The following MACC1 variants were observed in gnomAD, a reference collection of about 807,000 sequenced individuals.
MACC1 encodes the protein MET transcriptional regulator MACC1, also known as metastasis-associated in colon cancer protein 1.
A neutral mutation model predicts 70.7 loss-of-function variants in MACC1; 79 were observed. The observed-to-expected ratio is 1.12, with a 90% CI of 0.93 to 1.35. The LOEUF (loss-of-function observed/expected upper bound fraction) is 1.35, where lower values mean the gene tolerates loss of function less well. Among genes scored for constraint, MACC1 ranks in the 40% most tolerant of loss-of-function variants. The pLI is 0.00. For missense variants in MACC1, 1,106 were observed against 978.1 expected (o/e 1.13, Z -1.74); for synonymous variants, 361 against 347.2 (o/e 1.04, Z -0.44).
chr7:20,217,137 C>A (rs916639053), intron 1 of MACC1, among the ~76,000 whole-genome samples, 162 bp downstream of exon 1: 4 of 152,092 alleles, frequency 2.6e-5, no homozygotes, highest in African/African-American at 9.7e-5. Flanking sequence ...TAACACATGT[C>A]CCATAAGCCC....
At chr7:20,200,633 A>G (rs572034708) in intron 1 of MACC1, among the ~76,000 whole-genome samples, 18 of 152,370 alleles carry the variant, frequency 1.2e-4, no homozygotes, top group African/African-American at 4.3e-4. Context: ...AATGCACTCA[A>G]CCATCAGCAC....
At chr7:20,156,750 AAG>A (rs1782060315) in intron 5 of MACC1, among the ~76,000 whole-genome samples, 1 of 152,162 alleles carries the variant, frequency 6.6e-6, no homozygotes, top group Non-Finnish European at 1.5e-5. Context: ...AAAATATTGA[AAG>A]AGAGATAATG....
At chr7:20,183,651 CT>C (rs1782543654) in intron 1 of MACC1, among the ~76,000 whole-genome samples, 1 of 151,916 alleles carries the variant, frequency 6.6e-6, no homozygotes, top group Admixed American at 6.6e-5. Context: ...GTTTCTTTCC[CT>C]GTAATATCCT....
chr7:20,182,025 G>A, intron 1 of MACC1, among the ~76,000 whole-genome samples: 1 of 151,910 alleles, frequency 6.6e-6, no homozygotes, highest in Non-Finnish European at 1.5e-5. Flanking sequence ...AAAAGGATGA[G>A]TTCATGTCCT....
Position 20,154,226 on chromosome 7 carries a change from A to C in MACC1, c.2313T>G (p.Pro771=), listed in dbSNP as rs1412485211. Residue 771 remains proline, a synonymous_variant, in exon 6 of 7, where the codon CCT becomes CCG. Coordinates refer to ENST00000400331, the MANE Select transcript of MACC1 (RefSeq NM_182762.4). ...TKQQMEAYEI[P]HRGNTGDVAV... is the part of the protein sequence containing the mutation. ...CAACATCTCCAGTGTTTCCTCGATG[A>C]GGAATTTCATATGCCTCCATTTGTT... 1 of 1,613,874 alleles carries C rather than the reference A, an allele frequency of 6.2e-7. No individual in the cohort carries two copies. Among genetic ancestry groups the C allele is most frequent in the Non-Finnish European group, 8.5e-7 (1 of 1,179,912 alleles).
intron 6 of MACC1, among the ~76,000 whole-genome samples, chr7:20,153,944 T>C (rs936545127): frequency 4.6e-5 from 7 of 152,170 alleles, no homozygotes; most frequent in African/African-American, 1.7e-4. Context: ...AATTAATTCA[T>C]TGATCAAAGG....
intron 1 of MACC1, among the ~76,000 whole-genome samples, chr7:20,205,945 C>T (rs919693764): frequency 3.3e-5 from 5 of 152,098 alleles, no homozygotes; most frequent in African/African-American, 7.2e-5. Flanking sequence ...TCTCTTCTTC[C>T]TTATCTCTAT....
At chr7:20,179,680 T>TTTTTTTTG (rs1441841900) in intron 1 of MACC1, among the ~76,000 whole-genome samples, 1 of 151,926 alleles carries the variant, frequency 6.6e-6, no homozygotes, top group Admixed American at 6.6e-5. Flanking sequence ...GAGTTGTTGT[T>TTTTTTTTG]TTTTTTGTTT....
intron 6 of MACC1, chr7:20,150,463 A>G (rs1161557624): frequency 6.6e-6 from 1 of 152,274 alleles, no homozygotes; most frequent in Non-Finnish European, 1.5e-5. Context: ...TGAACTCTCC[A>G]GCGGCCAGTC....
chr7:20,190,543 G>C (rs80290721), intron 1 of MACC1, among the ~76,000 whole-genome samples: 1 of 152,156 alleles, frequency 6.6e-6, no homozygotes, highest in African/African-American at 2.4e-5. Context: ...GAGGATTCTT[G>C]TTCAAAACAG....
chr7:20,142,790 C>T (rs1008125275), intron 6 of MACC1, among the ~76,000 whole-genome samples: 12 of 152,280 alleles, frequency 7.9e-5, no homozygotes, highest in African/African-American at 2.6e-4. Context: ...ATCTCTGAGA[C>T]GTGGACACTA....
chr7:20,144,281 G>T (rs927878662), intron 6 of MACC1, among the ~76,000 whole-genome samples: 3 of 152,168 alleles, frequency 2.0e-5, no homozygotes, highest in African/African-American at 7.2e-5. Flanking sequence ...ATAGACACCT[G>T]CACAAACACT....
At chr7:20,210,865 C>A (rs1233445149) in intron 1 of MACC1, among the ~76,000 whole-genome samples, 1 of 152,184 alleles carries the variant, frequency 6.6e-6, no homozygotes, top group East Asian at 1.9e-4. Flanking sequence ...TTCTAAAGAG[C>A]TACTGCCTCC....
Position 20,140,880 on chromosome 7 carries a change from C to G in MACC1, c.*66G>C. 8.5e-7 allele frequency: 1 copy of G among 1,179,072 alleles called. No homozygotes were observed. 73.0% of individuals were successfully genotyped at this position (1,179,072 alleles called of 1,614,324 possible). A position where few individuals can be genotyped will look rare whatever the true frequency, so the allele number is the denominator to read the frequency against. ...ACACACAGAGACACACACAGACACA[C>G]ACAGACACACACACACACACACCAT... On this transcript the variant is annotated 3_prime_UTR_variant, in exon 7 of 7. Coordinates refer to ENST00000400331, the MANE Select transcript of MACC1 (RefSeq NM_182762.4).
intron 6 of MACC1, among the ~76,000 whole-genome samples, chr7:20,152,038 T>C (rs139056987): frequency 6.6e-6 from 1 of 152,280 alleles, no homozygotes; most frequent in Non-Finnish European, 1.5e-5. Flanking sequence ...ATTGAAAGGA[T>C]TACATTAATT....
At chr7:20,192,067 C>T (rs1782680736) in intron 1 of MACC1, among the ~76,000 whole-genome samples, 1 of 152,056 alleles carries the variant, frequency 6.6e-6, no homozygotes, top group Admixed American at 6.5e-5. Flanking sequence ...AAGTTAGTGA[C>T]TTTAAGTCTG....
At chr7:20,203,763 GAT>G (rs1490503478) in intron 1 of MACC1, among the ~76,000 whole-genome samples, 2 of 152,140 alleles carry the variant, frequency 1.3e-5, no homozygotes, top group Middle Eastern at 3.2e-3. Flanking sequence ...ATTTTTGCCA[GAT>G]ACCTCTTTCT....
intron 6 of MACC1, among the ~76,000 whole-genome samples, chr7:20,144,252 C>T (rs1290022130): frequency 6.6e-6 from 1 of 152,140 alleles, no homozygotes; most frequent in Non-Finnish European, 1.5e-5. Context: ...CTTTTAGAAG[C>T]TTATAGCGTA....
At position 20,158,824 on chromosome 7, in the gene MACC1, T is replaced by A; in HGVS notation, c.1537A>T (p.Arg513Ter). 1 of 1,614,092 alleles carries A rather than the reference T, an allele frequency of 6.2e-7. No individual in the cohort carries two copies. Among genetic ancestry groups the A allele is most frequent in the South Asian group, 1.1e-5 (1 of 91,072 alleles). The change falls in exon 5 of 7, where the codon AGA (arginine) becomes TGA (stop). Residue 513 changes from arginine (R) to a stop codon, truncating the protein, a stop_gained. Transcript: ENST00000400331. LOFTEE classifies it high-confidence loss of function. ...AAATAGCCTGGCAGATTCGAGAGTC[T>A]TTTTAGGTTTGGGGTTGGATCAGGA... is the stretch of plus-strand genomic sequence containing the variant. ...TTPDPTPNLKRLSNLPGYLQK... is the reference protein window; with the variant it reads ...TTPDPTPNLK
Sources: gnomAD v4.1 joint callset for allele counts (sites outside exome capture counted in the v4.1 genomes callset) on GRCh38, gnomAD v4.1.1 for gene constraint, MANE v1.5 for transcripts, NCBI Gene and HGNC (gene_info 2026-07-23, HGNC 2026-07-21) for gene names.